Variants in CDKAL1 observed in about 807,000 individuals in gnomAD.
The protein encoded by CDKAL1 is CDKAL1 threonylcarbamoyladenosine tRNA methylthiotransferase, also known as threonylcarbamoyladenosine tRNA methylthiotransferase.
CDKAL1 carries 32 observed loss-of-function variants against 68.2 expected under a neutral mutation model. The ratio of observed to expected loss-of-function variants is 0.47; its 90% CI spans 0.35 to 0.63. The LOEUF (loss-of-function observed/expected upper bound fraction) is 0.63, where lower values mean the gene tolerates loss of function less well. CDKAL1 is among the 30% of genes least tolerant of loss of function. CDKAL1 has a pLI of 0.00. For synonymous variants in CDKAL1, 234 were observed against 244.3 expected, an observed-to-expected ratio of 0.96 and a Z score of 0.39; for missense variants, 606 against 696.7, an observed-to-expected ratio of 0.87 and a Z score of 1.47.
At chr6:21,117,001 T>C (rs1774445301) in intron 13 of CDKAL1, among the ~76,000 whole-genome samples, 1 of 152,216 alleles carries the variant, frequency 6.6e-6, no homozygotes, top group Non-Finnish European at 1.5e-5. Flanking sequence ...CTGTCACCAG[T>C]TGCCCTGGGT....
At chr6:21,035,201 T>A (rs1769508981) in intron 11 of CDKAL1, among the ~76,000 whole-genome samples, 1 of 152,294 alleles carries the variant, frequency 6.6e-6, no homozygotes, top group African/African-American at 2.4e-5. Flanking sequence ...GAATGTATAA[T>A]CAAATATTGC....
chr6:20,793,657 G>A (rs1775992652), intron 8 of CDKAL1, among the ~76,000 whole-genome samples: 1 of 151,194 alleles, frequency 6.6e-6, no homozygotes. Flanking sequence ...TGTTACATTT[G>A]GAATATAACT....
chr6:21,025,577 T>C (rs1768908897), intron 11 of CDKAL1, among the ~76,000 whole-genome samples: 1 of 152,156 alleles, frequency 6.6e-6, no homozygotes, highest in African/African-American at 2.4e-5. Context: ...AGGAATGTAA[T>C]AAGTAGTGAA....
chr6:21,026,930 T>G (rs1768994744), intron 11 of CDKAL1, among the ~76,000 whole-genome samples: 1 of 152,096 alleles, frequency 6.6e-6, no homozygotes, highest in African/African-American at 2.4e-5. Flanking sequence ...TATTCTCTCT[T>G]CTTCTTCCTC....
intron 4 of CDKAL1, among the ~76,000 whole-genome samples, chr6:20,630,382 G>A (rs1767622752): frequency 6.6e-6 from 1 of 152,062 alleles, no homozygotes; most frequent in Non-Finnish European, 1.5e-5. Context: ...TCAGCCACCT[G>A]CTTTTATCAG....
At chr6:21,066,085 A>G (rs1262205551) in intron 12 of CDKAL1, among the ~76,000 whole-genome samples, 1 of 152,124 alleles carries the variant, frequency 6.6e-6, no homozygotes, top group African/African-American at 2.4e-5. Context: ...ATGCAAAGAA[A>G]TAATCCAGAG....
chr6:20,903,331 T>G (rs1256283451), intron 9 of CDKAL1, among the ~76,000 whole-genome samples: 2 of 152,226 alleles, frequency 1.3e-5, no homozygotes, highest in Non-Finnish European at 2.9e-5. Context: ...GGAGATGTGT[T>G]CTTGAATAAA....
rs1265393270 is a variant in CDKAL1, at chr6:20,755,276, C to CA, written c.469-3318dup. ...ATGTCTTGGCAACATTGTCACCTCT[C>CA]ACTTCATCATACATCAGTTCCAGCA... On this transcript the variant is annotated intron_variant, in intron 6 of 15. Transcript: ENST00000274695. Among the ~76,000 whole-genome samples the CA allele has an allele frequency of 6.6e-5, 10 of 152,184 alleles. 1 individual carries two copies. In the South Asian group the frequency reaches 1.7e-3, roughly 25 times the overall value.
At chr6:20,550,047 C>T (rs536534747) in intron 4 of CDKAL1, among the ~76,000 whole-genome samples, 15 of 151,734 alleles carry the variant, frequency 9.9e-5, no homozygotes, top group African/African-American at 2.9e-4. Flanking sequence ...GTTGTGATCT[C>T]GGCTCACTGC....
intron 13 of CDKAL1, among the ~76,000 whole-genome samples, chr6:21,117,580 T>G (rs1028631309): frequency 6.6e-6 from 1 of 152,108 alleles, no homozygotes; most frequent in African/African-American, 2.4e-5. Flanking sequence ...GTGGTTGTAG[T>G]GAGCTGTGAT....
At chr6:20,957,967 TCA>T (rs1764862787) in intron 10 of CDKAL1, among the ~76,000 whole-genome samples, 1 of 74,072 alleles carries the variant, frequency 1.4e-5, no homozygotes, top group Non-Finnish European at 2.4e-5. Flanking sequence ...CAAGATTATC[TCA>T]AAAAAAAAAA....
At chr6:21,152,223 T>G in intron 13 of CDKAL1, among the ~76,000 whole-genome samples, 1 of 152,166 alleles carries the variant, frequency 6.6e-6, no homozygotes, top group Non-Finnish European at 1.5e-5. Flanking sequence ...CTCAATCAGA[T>G]CCCTTCAGCC....
chr6:20,589,420 A>C (rs1293431350), intron 4 of CDKAL1, among the ~76,000 whole-genome samples: 2 of 152,198 alleles, frequency 1.3e-5, no homozygotes, highest in East Asian at 3.8e-4. Context: ...GTTTAGATGC[A>C]ATCGCTAGTC....
At chr6:20,926,619 A>T (rs1763200523) in intron 9 of CDKAL1, among the ~76,000 whole-genome samples, 1 of 152,060 alleles carries the variant, frequency 6.6e-6, no homozygotes, top group Non-Finnish European at 1.5e-5. Context: ...TTACCTTGGA[A>T]ATTTTGAATG....
intron 13 of CDKAL1, among the ~76,000 whole-genome samples, chr6:21,144,259 G>C (rs1435721905): frequency 1.3e-5 from 2 of 152,150 alleles, no homozygotes; most frequent in Admixed American, 1.3e-4. Flanking sequence ...AAATTACACT[G>C]CATCCTATTA....
At chr6:20,760,436 A>G (rs1406339547) in intron 7 of CDKAL1, among the ~76,000 whole-genome samples, 4 of 152,218 alleles carry the variant, frequency 2.6e-5, no homozygotes, top group Non-Finnish European at 5.9e-5. Flanking sequence ...GACAGCCACT[A>G]TGTTAAACAC....
chr6:21,137,609 C>CT (rs1300186803), intron 13 of CDKAL1, among the ~76,000 whole-genome samples: 1 of 151,746 alleles, frequency 6.6e-6, no homozygotes, highest in Non-Finnish European at 1.5e-5. Context: ...GATTTTTTTT[C>CT]TTTTTTTAAA....
intron 13 of CDKAL1, among the ~76,000 whole-genome samples, chr6:21,153,083 T>A (rs879328013): frequency 1.6e-4 from 24 of 152,180 alleles, no homozygotes; most frequent in Non-Finnish European, 3.1e-4. Context: ...GAAAATTCAT[T>A]TTTATATGAA....
chr6:20,756,033 T>C (rs1463330061), intron 6 of CDKAL1: 7 of 152,180 alleles, frequency 4.6e-5, no homozygotes, highest in Non-Finnish European at 1.0e-4. Context: ...TTTCCCATGC[T>C]TTACCCCTAA....
Sources: gnomAD v4.1 joint callset for allele counts (sites outside exome capture counted in the v4.1 genomes callset) on GRCh38, gnomAD v4.1.1 for gene constraint, MANE v1.5 for transcripts, NCBI Gene and HGNC (gene_info 2026-07-23, HGNC 2026-07-21) for gene names.